The following PCDH11Y variants were observed in gnomAD, a reference collection of about 807,000 sequenced individuals.
The protein encoded by PCDH11Y is protocadherin-11 Y-linked.
For synonymous variants in PCDH11Y, 9 were observed against 83.6 expected (o/e 0.11, Z 4.87); for missense variants, 12 against 224.8 (o/e 0.05, Z 6.05).
At chrY:5,483,655 A>G (rs1602932226) in intron 2 of PCDH11Y, among the ~76,000 whole-genome samples, 99 of 32,561 alleles carry the variant, frequency 3.0e-3, no homozygotes, top group African/African-American at 0.011. Context: ...TAGGACAGTG[A>G]GGAATTCATG....
At chrY:5,195,444 G>T (rs2052917778) in intron 2 of PCDH11Y, among the ~76,000 whole-genome samples, 2 of 33,190 alleles carry the variant, frequency 6.0e-5, no homozygotes, top group Non-Finnish European at 1.5e-4. Context: ...GATTTTCAAT[G>T]AGCTATAAAG....
downstream of PCDH11Y, among the ~76,000 whole-genome samples, chrY:5,108,645 G>A (rs2124638510): frequency 3.4e-5 from 1 of 28,995 alleles, no homozygotes; most frequent in Non-Finnish European, 8.1e-5. Context: ...TACTCGGGAG[G>A]CTGAGGCAGG....
intron 2 of PCDH11Y, among the ~76,000 whole-genome samples, chrY:5,495,481 A>C: frequency 2.9e-5 from 1 of 34,049 alleles, no homozygotes; most frequent in African/African-American, 1.1e-4. Context: ...GGAATCCTAA[A>C]GTATTCTTAA....
chrY:5,012,115 C>A, intron 1 of PCDH11Y, among the ~76,000 whole-genome samples: 4 of 29,830 alleles, frequency 1.3e-4, no homozygotes, highest in Non-Finnish European at 3.2e-4. Flanking sequence ...TGAGTGTCTG[C>A]CAAAATTGCC....
intron 3 of PCDH11Y, chrY:5,037,687 C>A: frequency 1.0e-5 from 1 of 96,852 alleles, no homozygotes; most frequent in Admixed American, 1.2e-4. Flanking sequence ...AATATGAGAT[C>A]TTCCATACAT....
chrY:5,270,056 C>T, intron 2 of PCDH11Y, among the ~76,000 whole-genome samples: 3 of 29,499 alleles, frequency 1.0e-4, no homozygotes, highest in Non-Finnish European at 2.4e-4. Flanking sequence ...CACAGGAAAT[C>T]TCTGGTGTAC....
chrY:5,532,558 G>A (rs2053395318), intron 3 of PCDH11Y, among the ~76,000 whole-genome samples: 1 of 26,750 alleles, frequency 3.7e-5, no homozygotes, highest in African/African-American at 1.5e-4. Context: ...GACTGCAGGT[G>A]TGCACTGCTG....
At chrY:5,507,731 G>C in intron 3 of PCDH11Y, among the ~76,000 whole-genome samples, 1 of 32,257 alleles carries the variant, frequency 3.1e-5, no homozygotes, top group Admixed American at 2.9e-4. Context: ...CAATGCCATA[G>C]GTCTGGAATG....
intron 4 of PCDH11Y, among the ~76,000 whole-genome samples, chrY:5,723,133 G>C (rs2053596308): frequency 3.2e-5 from 1 of 31,073 alleles, no homozygotes; most frequent in Non-Finnish European, 7.8e-5. Flanking sequence ...CACAAAGATA[G>C]GTAGAAGCAA....
intron 2 of PCDH11Y, among the ~76,000 whole-genome samples, chrY:5,251,751 A>C: frequency 3.1e-5 from 1 of 32,283 alleles, no homozygotes; most frequent in Non-Finnish European, 7.6e-5. Flanking sequence ...TATTATATTT[A>C]TGTATGAATG....
exon 5 of PCDH11Y, chrY:5,737,513 C>T (rs1447576884): frequency 1.3e-5 from 5 of 398,561 alleles, no homozygotes; most frequent in Non-Finnish European, 1.4e-5. Flanking sequence ...CACAGACCAT[C>T]GCATTGTGCC....
At chrY:5,431,495 G>C in intron 2 of PCDH11Y, among the ~76,000 whole-genome samples, 1 of 32,605 alleles carries the variant, frequency 3.1e-5, no homozygotes, top group Non-Finnish European at 7.6e-5. Flanking sequence ...AAAACTGTAG[G>C]CTAGACAAAT....
chrY:5,097,523 T>A, intron 1 of PCDH11Y, among the ~76,000 whole-genome samples: 2 of 33,674 alleles, frequency 5.9e-5, no homozygotes, highest in Non-Finnish European at 1.5e-4. Flanking sequence ...TTCTATATAC[T>A]TTTTTCTTTT....
intron 2 of PCDH11Y, among the ~76,000 whole-genome samples, chrY:5,460,501 C>T: frequency 3.1e-5 from 1 of 32,303 alleles, no homozygotes; most frequent in South Asian, 7.0e-4. Flanking sequence ...TGTATAATCC[C>T]TTAAACTTGG....
chrY:5,471,364 A>C, intron 2 of PCDH11Y, among the ~76,000 whole-genome samples: 1 of 32,390 alleles, frequency 3.1e-5, no homozygotes, highest in Non-Finnish European at 7.7e-5. Flanking sequence ...TGTTAACTTT[A>C]TAAATGTCCC....
chrY:5,514,609 A>G (rs2053369846), intron 3 of PCDH11Y, among the ~76,000 whole-genome samples: 1 of 32,432 alleles, frequency 3.1e-5, no homozygotes, highest in Non-Finnish European at 7.5e-5. Context: ...CTAACTCTCA[A>G]CAGGAAGGAA....
chrY:5,642,541 A>T (rs2053523906), intron 4 of PCDH11Y, among the ~76,000 whole-genome samples: 1 of 33,420 alleles, frequency 3.0e-5, no homozygotes, highest in African/African-American at 1.2e-4. Context: ...AAAATTTTAT[A>T]TTATTAAATT....
At chrY:5,397,728 C>T (rs2053228798) in intron 2 of PCDH11Y, among the ~76,000 whole-genome samples, 1 of 32,526 alleles carries the variant, frequency 3.1e-5, no homozygotes, top group Non-Finnish European at 7.5e-5. Context: ...TCTCTGTTGC[C>T]CAGGCTGGAG....
intron 2 of PCDH11Y, among the ~76,000 whole-genome samples, chrY:5,395,116 C>T (rs2053225878): frequency 3.1e-5 from 1 of 32,704 alleles, no homozygotes; most frequent in Admixed American, 2.8e-4. Flanking sequence ...GAACAGAAGG[C>T]CATGGAAATC....
Sources: gnomAD v4.1 joint callset for allele counts (sites outside exome capture counted in the v4.1 genomes callset) on GRCh38, gnomAD v4.1.1 for gene constraint, MANE v1.5 for transcripts, NCBI Gene and HGNC (gene_info 2026-07-23, HGNC 2026-07-21) for gene names.